Variants in ACVR2A observed in about 807,000 individuals in gnomAD.
ACVR2A encodes the protein activin receptor type-2A.
ACVR2A carries 7 observed loss-of-function variants against 61.4 expected under a neutral mutation model. The ratio of observed to expected loss-of-function variants is 0.11; its 90% confidence interval spans 0.06 to 0.21. The LOEUF is 0.21. Among genes scored for constraint, ACVR2A ranks in the 10% least tolerant of loss-of-function variants. The pLI, the probability that ACVR2A is intolerant of heterozygous loss-of-function variation, is 1.00. For synonymous variants in ACVR2A, 193 were observed against 208.3 expected, an observed-to-expected ratio of 0.93 and a Z score of 0.63; for missense variants, 322 against 621.7, an observed-to-expected ratio of 0.52 and a Z score of 5.13.
At chr2:147,906,429 G>A (rs1686989423) in intron 4 of ACVR2A, among the ~76,000 whole-genome samples, 1 of 152,114 alleles carries the variant, frequency 6.6e-6, no homozygotes, top group Non-Finnish European at 1.5e-5. Context: ...CAGGATGATT[G>A]TTTGACTGTA....
intron 4 of ACVR2A, among the ~76,000 whole-genome samples, chr2:147,903,963 G>A (rs556506828): frequency 2.0e-5 from 3 of 152,078 alleles, no homozygotes; most frequent in African/African-American, 7.2e-5. Flanking sequence ...GTATGTCCAG[G>A]GATTCCTTTA....
intron 4 of ACVR2A, among the ~76,000 whole-genome samples, chr2:147,914,017 A>C (rs2105212056): frequency 6.6e-6 from 1 of 152,028 alleles, no homozygotes; most frequent in Middle Eastern, 3.4e-3. Flanking sequence ...TTTCTAGTAC[A>C]CAGTAAACTT....
chr2:147,870,709 A>G (rs1444272790), intron 1 of ACVR2A, among the ~76,000 whole-genome samples: 1 of 152,156 alleles, frequency 6.6e-6, no homozygotes, highest in African/African-American at 2.4e-5. Context: ...TCCACTGACT[A>G]TATCGTGAAG....
intron 9 of ACVR2A, 34 bp from the exon 10 acceptor site, chr2:147,925,997 G>A: frequency 6.9e-6 from 11 of 1,589,780 alleles, no homozygotes; most frequent in Non-Finnish European, 9.4e-6. Flanking sequence ...GGATTTTAAT[G>A]AAAATGATTT....
At chr2:147,884,429 A>G (rs1489315156) in intron 1 of ACVR2A, among the ~76,000 whole-genome samples, 1 of 152,180 alleles carries the variant, frequency 6.6e-6, no homozygotes, top group Non-Finnish European at 1.5e-5. Context: ...GTAGGCAAAA[A>G]GAATTTTCTG....
chr2:147,889,819 A>T (rs77387392), intron 1 of ACVR2A, among the ~76,000 whole-genome samples: 4 of 147,592 alleles, frequency 2.7e-5, no homozygotes, highest in African/African-American at 9.9e-5. Context: ...GTGTATTGCT[A>T]TTTTTTTTTT....
rs36031861 is a variant in ACVR2A, at chr2:147,905,420, AT to A, written c.528+5532del. Among the ~76,000 whole-genome samples, 426 of 149,850 alleles carry A rather than the reference AT, an allele frequency of 2.8e-3. 2 individuals are homozygous for A. Among genetic ancestry groups the A allele is most frequent in the South Asian group, 3.6e-3 (17 of 4,726 alleles). ...TTGTATATTTAAGGTGTACAATGTG[AT>A]TTTTTTTTTAAGCTTAGAGTTTGTA... is the stretch of plus-strand genomic sequence containing the variant. On this transcript the variant is annotated intron_variant, in intron 4 of 10. Coordinates refer to ENST00000241416, the MANE Select transcript of ACVR2A (RefSeq NM_001616.5).
At chr2:147,891,531 C>A (rs1686582069) in intron 1 of ACVR2A, among the ~76,000 whole-genome samples, 1 of 149,156 alleles carries the variant, frequency 6.7e-6, no homozygotes. Context: ...AAAAAAAAAT[C>A]CAAAAAAAGA....
chr2:147,862,696 A>G (rs1685757557), intron 1 of ACVR2A, among the ~76,000 whole-genome samples: 1 of 151,782 alleles, frequency 6.6e-6, no homozygotes, highest in South Asian at 2.1e-4. Flanking sequence ...GTGAGCCGAG[A>G]TTGCGCCACT....
rs2105123457 is a variant in ACVR2A, at chr2:147,845,211, G to A, written c.55+4G>A. On this transcript the variant is annotated splice_donor_region_variant and intron_variant, in intron 1 of 10. Coordinates refer to ENST00000241416, the MANE Select transcript of ACVR2A (RefSeq NM_001616.5). ...TTTCTTATCTCCTGTTCTTCAGGTA[G>A]GTGCAGGGAGCGCGGCGCGGTGGGG... 3 of 1,611,950 alleles carry A rather than the reference G, an allele frequency of 1.9e-6. No individual in the cohort carries two copies. Among genetic ancestry groups the A allele is most frequent in the Non-Finnish European group, 2.5e-6 (3 of 1,179,514 alleles).
At chr2:147,864,984 T>TA (rs913490298) in intron 1 of ACVR2A, among the ~76,000 whole-genome samples, 6 of 152,002 alleles carry the variant, frequency 3.9e-5, no homozygotes, top group South Asian at 2.1e-4. Flanking sequence ...CATTGATTAC[T>TA]AAAATTAATG....
chr2:147,905,930 G>A (rs1489666404), intron 4 of ACVR2A, among the ~76,000 whole-genome samples: 1 of 152,058 alleles, frequency 6.6e-6, no homozygotes, highest in Non-Finnish European at 1.5e-5. Context: ...AAATTAATTA[G>A]TGCACCTTAT....
chr2:147,897,227 C>T (rs563301042), intron 2 of ACVR2A: 4 of 152,180 alleles, frequency 2.6e-5, no homozygotes, highest in South Asian at 2.1e-4. Context: ...AAGCTGGTCT[C>T]GATCTCCCGA....
chr2:147,876,462 CATATGCCTCAAGGTTGAGGT>C (rs992869884), intron 1 of ACVR2A, among the ~76,000 whole-genome samples: 18 of 152,018 alleles, frequency 1.2e-4, no homozygotes, highest in Admixed American at 1.3e-4. Flanking sequence ...TGCCTTGAGG[CATATGCCTCAAGGTTGAGGT>C]ATATGCCATA....
At position 147,928,515 on chromosome 2, in the gene ACVR2A, C is replaced by G. The variant is rs1210065306; in HGVS notation, c.*1241C>G. On this transcript the variant is annotated 3_prime_UTR_variant, in exon 11 of 11. Transcript: ENST00000241416. ...ATTATCCTAGGATAAAGATATTAAA[C>G]TTTAAGCAGATTTCAGATGTTACTG... 6.6e-6 allele frequency: 1 copy of G among 152,104 alleles called. No individual in the cohort carries two copies. Among genetic ancestry groups the G allele is most frequent in the Non-Finnish European group, 1.5e-5 (1 of 67,870 alleles). 9.4% of individuals were successfully genotyped at this position (152,104 alleles called of 1,614,324 possible). A position where few individuals can be genotyped will look rare whatever the true frequency, so the allele number is the denominator to read the frequency against.
Position 147,929,114 on chromosome 2 carries a change from C to T in ACVR2A, c.*1840C>T, listed in dbSNP as rs1327715735. The T allele has an allele frequency of 2.0e-5, 3 of 152,274 alleles. No individual in the cohort carries two copies. Among genetic ancestry groups the T allele is most frequent in the South Asian group, 2.1e-4 (1 of 4,830 alleles). 9.4% of individuals were successfully genotyped at this position (152,274 alleles called of 1,614,324 possible). A position where few individuals can be genotyped will look rare whatever the true frequency, so the allele number is the denominator to read the frequency against. On this transcript the variant is annotated 3_prime_UTR_variant, in exon 11 of 11. Transcript: ENST00000241416. Reference sequence around the variant, plus strand: ...GCAGGGAGGAAAAGAAGAGTAATAGCGTCTGTGTGCTGCAGACCATTCAGA... The same window carrying T: ...GCAGGGAGGAAAAGAAGAGTAATAGTGTCTGTGTGCTGCAGACCATTCAGA...
At chr2:147,876,883 T>C (rs1044348895) in intron 1 of ACVR2A, among the ~76,000 whole-genome samples, 2 of 152,168 alleles carry the variant, frequency 1.3e-5, no homozygotes, top group Non-Finnish European at 2.9e-5. Flanking sequence ...CAGTTGTTCC[T>C]TGTGTCCTTT....
At chr2:147,874,769 A>G (rs1686112760) in intron 1 of ACVR2A, among the ~76,000 whole-genome samples, 1 of 152,012 alleles carries the variant, frequency 6.6e-6, no homozygotes, top group Admixed American at 6.6e-5. Flanking sequence ...GGAGTTGGGT[A>G]GGAATAATAA....
intron 1 of ACVR2A, among the ~76,000 whole-genome samples, chr2:147,893,060 T>G (rs898750970): frequency 6.6e-6 from 1 of 152,184 alleles, no homozygotes; most frequent in Non-Finnish European, 1.5e-5. Context: ...CCTCATGCCC[T>G]TTTGTAATCA....
Sources: allele counts gnomAD v4.1 joint callset (sites outside exome capture counted in the v4.1 genomes callset), GRCh38; gene constraint gnomAD v4.1.1; transcripts MANE v1.5; gene names NCBI Gene and HGNC (gene_info 2026-07-23, HGNC 2026-07-21).